The following KIAA1328 variants were observed in gnomAD, a reference collection of about 807,000 sequenced individuals.
KIAA1328 encodes the protein KIAA1328.
A neutral mutation model predicts 68.1 loss-of-function variants in KIAA1328; 52 were observed. That is an observed-to-expected ratio of 0.76 (90% CI 0.61 to 0.96). The LOEUF is 0.96. Among genes scored for constraint, KIAA1328 ranks in the 40% least tolerant of loss-of-function variants. The probability of loss-of-function intolerance (pLI) is 0.00; values close to 1 mark genes in which losing one functional copy is unlikely to be tolerated. For missense variants in KIAA1328, 641 were observed against 677.6 expected, an observed-to-expected ratio of 0.95 and a Z score of 0.60; for synonymous variants, 232 against 239.4, an observed-to-expected ratio of 0.97 and a Z score of 0.28.
chr18:37,145,629 G>A (rs1483708269), intron 7 of KIAA1328, among the ~76,000 whole-genome samples: 1 of 152,032 alleles, frequency 6.6e-6, no homozygotes, highest in South Asian at 2.1e-4. Flanking sequence ...GTATTTTGAA[G>A]CATTGTTCTA....
At chr18:37,049,602 C>T (rs551859976) in intron 6 of KIAA1328, among the ~76,000 whole-genome samples, 4 of 152,120 alleles carry the variant, frequency 2.6e-5, no homozygotes, top group Non-Finnish European at 5.9e-5. Flanking sequence ...TAAATCTCTT[C>T]GGTTTGGTAG....
chr18:36,837,817 C>A (rs2150778514), intron 3 of KIAA1328, among the ~76,000 whole-genome samples: 1 of 152,070 alleles, frequency 6.6e-6, no homozygotes, highest in African/African-American at 2.4e-5. Context: ...TCCAGTTGTC[C>A]CAGCACCATT....
At chr18:36,958,718 T>C (rs755666111) in intron 5 of KIAA1328, among the ~76,000 whole-genome samples, 8 of 152,214 alleles carry the variant, frequency 5.3e-5, no homozygotes, top group African/African-American at 9.6e-5. Context: ...GTACAAGTTG[T>C]ATATATTCTG....
intron 5 of KIAA1328, among the ~76,000 whole-genome samples, chr18:36,955,035 T>G (rs1320886711): frequency 1.3e-5 from 2 of 152,090 alleles, no homozygotes; most frequent in African/African-American, 4.8e-5. Flanking sequence ...CATGAAGTTG[T>G]GGATTTTTAT....
intron 7 of KIAA1328, among the ~76,000 whole-genome samples, chr18:37,076,937 C>G (rs1170153746): frequency 6.6e-6 from 1 of 152,148 alleles, no homozygotes; most frequent in African/African-American, 2.4e-5. Flanking sequence ...CCTTCTGAAA[C>G]TATTCCAATC....
intron 4 of KIAA1328, among the ~76,000 whole-genome samples, chr18:36,847,737 T>C (rs962935745): frequency 6.6e-6 from 1 of 151,654 alleles, no homozygotes. Flanking sequence ...TTTTGGATCT[T>C]GACAAAGTTC....
intron 7 of KIAA1328, among the ~76,000 whole-genome samples, chr18:37,114,814 A>G (rs548813069): frequency 6.6e-6 from 1 of 152,362 alleles, no homozygotes; most frequent in South Asian, 2.1e-4. Context: ...TAGATGCAAT[A>G]AAAGATGATA....
At chr18:36,985,301 A>G (rs1201455571) in intron 6 of KIAA1328, among the ~76,000 whole-genome samples, 1 of 152,198 alleles carries the variant, frequency 6.6e-6, no homozygotes, top group Non-Finnish European at 1.5e-5. Context: ...CCTTGTCTCA[A>G]AAAATAAAGA....
intron 7 of KIAA1328, among the ~76,000 whole-genome samples, chr18:37,153,637 T>G (rs1415445058): frequency 6.8e-6 from 1 of 147,642 alleles, no homozygotes; most frequent in Non-Finnish European, 1.5e-5. Context: ...TTTTTTTTTT[T>G]TTTTTTTTTT....
At chr18:37,120,815 T>C (rs1019589831) in intron 7 of KIAA1328, among the ~76,000 whole-genome samples, 9 of 152,164 alleles carry the variant, frequency 5.9e-5, no homozygotes, top group Admixed American at 3.3e-4. Flanking sequence ...TGGATACTTT[T>C]TTAAAGCTCC....
At chr18:37,134,535 G>A (rs1317964453) in intron 7 of KIAA1328, among the ~76,000 whole-genome samples, 1 of 151,610 alleles carries the variant, frequency 6.6e-6, no homozygotes, top group Non-Finnish European at 1.5e-5. Flanking sequence ...TTAATCTCTG[G>A]CTTAAAAGAA....
At chr18:37,121,928 C>A (rs1480756874) in intron 7 of KIAA1328, among the ~76,000 whole-genome samples, 2 of 152,032 alleles carry the variant, frequency 1.3e-5, no homozygotes, top group African/African-American at 4.8e-5. Flanking sequence ...CCCAAATAGT[C>A]TCCAAGAGAG....
At chr18:37,037,631 C>G (rs1211448432) in intron 6 of KIAA1328, among the ~76,000 whole-genome samples, 1 of 152,164 alleles carries the variant, frequency 6.6e-6, no homozygotes, top group Non-Finnish European at 1.5e-5. Flanking sequence ...CGCCTGTAAT[C>G]CCAGCACTTT....
chr18:37,165,838 G>A lies in KIAA1328; in HGVS notation c.1414+5457G>A, dbSNP rs544008975. On this transcript the variant is annotated intron_variant, in intron 8 of 9. Transcript: ENST00000280020. ...AAACTCCTGACCTCAGGTAGGCACC[G>A]CGCCAGGGCAGATGGAGGCTTTTTG... 4.6e-5 allele frequency among the ~76,000 whole-genome samples: 7 copies of A among 151,856 alleles called. No individual in the cohort carries two copies. In the South Asian group the frequency reaches 8.3e-4, roughly 18 times the overall value.
chr18:37,071,561 C>T (rs937634841), intron 7 of KIAA1328, among the ~76,000 whole-genome samples: 1 of 151,732 alleles, frequency 6.6e-6, no homozygotes, highest in African/African-American at 2.4e-5. Flanking sequence ...TAGGTATTAC[C>T]AGTATTATAA....
chr18:36,852,624 A>G (rs1258066582), intron 4 of KIAA1328, among the ~76,000 whole-genome samples: 1 of 152,182 alleles, frequency 6.6e-6, no homozygotes, highest in Non-Finnish European at 1.5e-5. Context: ...GTGGAAGCTC[A>G]GGGGCTACCT....
At chr18:37,037,928 G>A (rs1322657748) in intron 6 of KIAA1328, among the ~76,000 whole-genome samples, 1 of 151,884 alleles carries the variant, frequency 6.6e-6, no homozygotes, top group South Asian at 2.1e-4. Flanking sequence ...GGTGAAGCCT[G>A]GTCTCTACTA....
intron 9 of KIAA1328, among the ~76,000 whole-genome samples, chr18:37,219,961 A>G (rs917324547): frequency 2.6e-5 from 4 of 152,188 alleles, no homozygotes; most frequent in Admixed American, 6.5e-5. Context: ...GCCATCTTGG[A>G]ACTGTATCCC....
At chr18:37,003,262 C>T (rs2053655419) in intron 6 of KIAA1328, among the ~76,000 whole-genome samples, 1 of 152,080 alleles carries the variant, frequency 6.6e-6, no homozygotes, top group African/African-American at 2.4e-5. Flanking sequence ...CAGGTAAACT[C>T]TCTTGGACAT....
Sources: allele counts gnomAD v4.1 joint callset (sites outside exome capture counted in the v4.1 genomes callset), GRCh38; gene constraint gnomAD v4.1.1; transcripts MANE v1.5; gene names NCBI Gene and HGNC (gene_info 2026-07-23, HGNC 2026-07-21).